The following RELN variants were observed in gnomAD, a reference collection of about 807,000 sequenced individuals.
The protein encoded by RELN is reelin.
In RELN, 108 loss-of-function variants were observed where a neutral mutation model predicts 427.6. That is an observed-to-expected ratio of 0.25 (90% CI 0.22 to 0.30). RELN has a LOEUF of 0.30. Ranked by LOEUF, RELN falls within the 10% of genes least tolerant of loss-of-function variation. The probability of loss-of-function intolerance (pLI) is 1.00; values close to 1 mark genes in which losing one functional copy is unlikely to be tolerated. For synonymous variants in RELN, 1,524 were observed against 1,513.4 expected (o/e 1.01, Z -0.16); for missense variants, 3,715 against 4,302.8 (o/e 0.86, Z 3.82).
At chr7:103,772,312 A>AAATGAATG (rs71519158) in intron 4 of RELN, among the ~76,000 whole-genome samples, 6 of 150,178 alleles carry the variant, frequency 4.0e-5, no homozygotes, top group Non-Finnish European at 8.9e-5. Context: ...AATAGTTGTC[A>AAATGAATG]AATGAATGAA....
At chr7:103,480,007 A>G (rs915032640) in intron 63 of RELN, among the ~76,000 whole-genome samples, 3 of 152,204 alleles carry the variant, frequency 2.0e-5, no homozygotes, top group Non-Finnish European at 2.9e-5. Flanking sequence ...AGTGAAATGT[A>G]TGCCCCAACC....
intron 4 of RELN, among the ~76,000 whole-genome samples, chr7:103,762,969 T>C (rs1791339577): frequency 6.6e-6 from 1 of 152,200 alleles, no homozygotes; most frequent in Non-Finnish European, 1.5e-5. Context: ...AGGACTTCAA[T>C]TTGGTTCTCA....
At chr7:103,589,976 C>A (rs189225791) in intron 27 of RELN, 148 bp from the exon 28 acceptor site, 33 of 673,680 alleles carry the variant, frequency 4.9e-5, no homozygotes, top group Admixed American at 2.2e-4. Context: ...CCAACCAAGA[C>A]CCTTCAATAG....
rs572682153 is a variant in RELN, at chr7:103,769,651, T to G, written c.544+6906A>C. ...ACTAGCATTCTCTCCTCAGTCTCAT[T>G]TAAGAAAAAAGTAGCCTCTGACATC... On this transcript the variant is annotated intron_variant, in intron 4 of 64. Transcript: ENST00000428762. 7.2e-5 allele frequency among the ~76,000 whole-genome samples: 11 copies of G among 152,224 alleles called. No individual in the cohort carries two copies. In the East Asian group the frequency reaches 1.9e-3, roughly 27 times the overall value.
chr7:103,680,273 G>C (rs1833624705), intron 11 of RELN, among the ~76,000 whole-genome samples: 1 of 152,056 alleles, frequency 6.6e-6, no homozygotes, highest in African/African-American at 2.4e-5. Context: ...CTCCTGGAGA[G>C]GAAATGCATC....
chr7:103,491,109 T>C (rs939277251), intron 58 of RELN, among the ~76,000 whole-genome samples: 4 of 152,264 alleles, frequency 2.6e-5, no homozygotes, highest in Admixed American at 6.5e-5. Flanking sequence ...ACTAGAAATA[T>C]ACCTGGAGTT....
At position 103,650,260 on chromosome 7, in the gene RELN, G is replaced by A. The variant is rs1432043969; in HGVS notation, c.2002+14C>T. 3 of 1,413,538 alleles carry A rather than the reference G, an allele frequency of 2.1e-6. No individual in the cohort carries two copies. Among genetic ancestry groups the A allele is most frequent in the Non-Finnish European group, 3.0e-6 (3 of 997,442 alleles). 87.6% of individuals were successfully genotyped at this position (1,413,538 alleles called of 1,614,324 possible). On this transcript the variant is annotated intron_variant, in intron 16 of 64. Transcript: ENST00000428762. ...CATCAATGGCATGTGATTATGACAG[G>A]CATAAACACTAACCATTATCAATTG...
At chr7:103,773,160 C>CTTTCTTTCTTTCTTTCTTTCT (rs1352105311) in intron 4 of RELN, among the ~76,000 whole-genome samples, 4 of 131,752 alleles carry the variant, frequency 3.0e-5, no homozygotes, top group African/African-American at 1.2e-4. Flanking sequence ...TTCTTTCTTT[C>CTTTCTTTCTTTCTTTCTTTCT]TTTCTTTTTC....
chr7:103,632,953 G>C (rs1043818589), intron 19 of RELN, among the ~76,000 whole-genome samples: 1 of 152,036 alleles, frequency 6.6e-6, no homozygotes, highest in African/African-American at 2.4e-5. Flanking sequence ...CTATAATTAA[G>C]AAGAAAAGCT....
intron 55 of RELN, 85 bp downstream of exon 55, chr7:103,497,735 C>G: frequency 1.8e-6 from 2 of 1,120,966 alleles, no homozygotes; most frequent in Non-Finnish European, 2.7e-6. Flanking sequence ...GTGAAGTCAG[C>G]AAAGCTTTGC....
intron 4 of RELN, among the ~76,000 whole-genome samples, 183 bp from the exon 5 acceptor site, chr7:103,753,397 G>T (rs1051699838): frequency 2.0e-5 from 3 of 152,134 alleles, no homozygotes; most frequent in Non-Finnish European, 4.4e-5. Context: ...TAAATTTAAT[G>T]ATCTTGTATT....
At chr7:103,952,789 G>A (rs1796359188) in intron 1 of RELN, among the ~76,000 whole-genome samples, 1 of 152,132 alleles carries the variant, frequency 6.6e-6, no homozygotes, top group South Asian at 2.1e-4. Context: ...TCATTATATT[G>A]TTTAAGCATA....
At chr7:103,755,383 C>T (rs1791110063) in intron 4 of RELN, among the ~76,000 whole-genome samples, 1 of 151,958 alleles carries the variant, frequency 6.6e-6, no homozygotes, top group Non-Finnish European at 1.5e-5. Flanking sequence ...CCGAGACGGG[C>T]CGATCACGAG....
At chr7:103,911,625 C>G (rs1381766549) in intron 2 of RELN, among the ~76,000 whole-genome samples, 7 of 150,930 alleles carry the variant, frequency 4.6e-5, no homozygotes, top group African/African-American at 1.7e-4. Context: ...CAGTGATAGA[C>G]TGGATTAAGA....
chr7:103,608,703 T>G (rs903239554), intron 22 of RELN, among the ~76,000 whole-genome samples: 1 of 152,186 alleles, frequency 6.6e-6, no homozygotes, highest in African/African-American at 2.4e-5. Flanking sequence ...TTCCTTTCAG[T>G]GTGTGTTTAA....
rs1312659210 is a variant in RELN, at chr7:103,601,003, T to C, written c.3333+2301A>G. 2.0e-5 allele frequency among the ~76,000 whole-genome samples: 3 copies of C among 152,220 alleles called. No homozygotes were observed. The East Asian group carries it at 5.8e-4, about 29-fold the overall frequency. On this transcript the variant is annotated intron_variant, in intron 24 of 64. Coordinates refer to ENST00000428762, the MANE Select transcript of RELN (RefSeq NM_005045.4). Reference sequence around the variant, plus strand: ...GAGATACAGACAGTTGTTATAACTTTGCAATGTGAACCAACCAATAAATTT... The same window carrying C: ...GAGATACAGACAGTTGTTATAACTTCGCAATGTGAACCAACCAATAAATTT...
intron 46 of RELN, among the ~76,000 whole-genome samples, chr7:103,527,986 G>A (rs1829861668): frequency 6.6e-6 from 1 of 152,204 alleles, no homozygotes; most frequent in South Asian, 2.1e-4. Context: ...ATGTAAAAGA[G>A]TACAGCTGTT....
At position 103,685,582 on chromosome 7, in the gene RELN, T is replaced by C. The variant is rs147119950; in HGVS notation, c.1144-3321A>G. Among the ~76,000 whole-genome samples, 692 of 152,234 alleles carry C rather than the reference T, an allele frequency of 4.5e-3. 11 individuals are homozygous for C. The highest frequency in any genetic ancestry group is 0.038 in the East Asian group (195 of 5,168). ...TCTGCAGCTGGTTCTAAATTTTTAT[T>C]TGTATTTCTAGCACTCCTAATGTAC... On this transcript the variant is annotated intron_variant, in intron 10 of 64. Transcript: ENST00000428762.
At chr7:103,508,170 C>G (rs183987332) in intron 51 of RELN, among the ~76,000 whole-genome samples, 1 of 152,288 alleles carries the variant, frequency 6.6e-6, no homozygotes, top group African/African-American at 2.4e-5. Context: ...GGGAATCCCC[C>G]CTAACTCATT....
Sources: gnomAD v4.1 joint callset for allele counts (sites outside exome capture counted in the v4.1 genomes callset) on GRCh38, gnomAD v4.1.1 for gene constraint, MANE v1.5 for transcripts, NCBI Gene and HGNC (gene_info 2026-07-23, HGNC 2026-07-21) for gene names.